The following EXOC4 variants were observed in gnomAD, a reference collection of about 807,000 sequenced individuals.
The protein encoded by EXOC4 is exocyst complex component 4, also known as SEC8-like 1.
In EXOC4, 71 loss-of-function variants were observed where a neutral mutation model predicts 107.2. The observed-to-expected ratio is 0.66, with a 90% CI of 0.55 to 0.81. EXOC4 has a LOEUF of 0.81. Among genes scored for constraint, EXOC4 ranks in the 30% least tolerant of loss-of-function variants. The probability of loss-of-function intolerance (pLI) is 0.00; values close to 1 mark genes in which losing one functional copy is unlikely to be tolerated. For missense variants in EXOC4, 1,108 were observed against 1,189.6 expected (o/e 0.93, Z 1.01); for synonymous variants, 456 against 441.2 (o/e 1.03, Z -0.42).
intron 7 of EXOC4, among the ~76,000 whole-genome samples, chr7:133,408,407 G>A (rs953868985): frequency 1.3e-5 from 2 of 151,570 alleles, no homozygotes; most frequent in Non-Finnish European, 1.5e-5. Context: ...AGTGATGATG[G>A]AGGTGGAGAG....
At chr7:133,493,997 G>A (rs898844300) in intron 9 of EXOC4, among the ~76,000 whole-genome samples, 1 of 152,190 alleles carries the variant, frequency 6.6e-6, no homozygotes, top group Non-Finnish European at 1.5e-5. Flanking sequence ...GAGGTTAAAA[G>A]GGAAAGGACA....
chr7:133,809,476 T>G (rs1218869680), intron 10 of EXOC4, among the ~76,000 whole-genome samples: 1 of 152,162 alleles, frequency 6.6e-6, no homozygotes, highest in Admixed American at 6.5e-5. Context: ...TTTTTAGTCT[T>G]TATTAATAGG....
At chr7:133,596,150 G>A (rs1801665456) in intron 9 of EXOC4, among the ~76,000 whole-genome samples, 1 of 152,152 alleles carries the variant, frequency 6.6e-6, no homozygotes, top group South Asian at 2.1e-4. Context: ...TTTCTTTGGT[G>A]TCTCAATCCT....
At chr7:134,073,204 T>G in the EXOC4 span, among the ~76,000 whole-genome samples, 1 of 3,596 alleles carries the variant, frequency 2.8e-4, no homozygotes, top group Non-Finnish European at 3.6e-4. Flanking sequence ...AGACTTCCTC[T>G]CAAAAAAAAA....
intron 6 of EXOC4, among the ~76,000 whole-genome samples, chr7:133,358,481 C>T (rs929793468): frequency 6.6e-6 from 1 of 152,148 alleles, no homozygotes; most frequent in South Asian, 2.1e-4. Context: ...GTTCTATGAT[C>T]ACTTACATCA....
At chr7:133,950,155 C>A (rs28529474) in intron 14 of EXOC4, among the ~76,000 whole-genome samples, 1 of 151,876 alleles carries the variant, frequency 6.6e-6, no homozygotes, top group African/African-American at 2.4e-5. Flanking sequence ...ATTATCAGAA[C>A]TATTATATTA....
chr7:133,858,866 T>C (rs1251076136), intron 11 of EXOC4, among the ~76,000 whole-genome samples: 2 of 152,172 alleles, frequency 1.3e-5, no homozygotes, highest in East Asian at 3.9e-4. Flanking sequence ...GAACAGCAAG[T>C]GGCATCTTGT....
chr7:133,857,869 G>A (rs73155122), intron 11 of EXOC4, among the ~76,000 whole-genome samples: 1 of 152,026 alleles, frequency 6.6e-6, no homozygotes, highest in South Asian at 2.1e-4. Context: ...CGGATCGGGC[G>A]TGGGGGGAGG....
intron 11 of EXOC4, among the ~76,000 whole-genome samples, chr7:133,826,825 A>G (rs2151232164): frequency 6.6e-6 from 1 of 152,316 alleles, no homozygotes; most frequent in Admixed American, 6.5e-5. Flanking sequence ...AAGATGTTTT[A>G]AATATACAAA....
intron 16 of EXOC4, among the ~76,000 whole-genome samples, chr7:134,006,396 G>A (rs1794644020): frequency 7.0e-6 from 1 of 142,944 alleles, no homozygotes; most frequent in African/African-American, 2.5e-5. Context: ...TAAATAAGTT[G>A]TCTAGTTTTA....
chr7:133,639,892 G>GA (rs369817573), intron 10 of EXOC4, among the ~76,000 whole-genome samples: 64 of 150,570 alleles, frequency 4.3e-4, no homozygotes, highest in African/African-American at 1.0e-3. Context: ...ATGTCAAGAA[G>GA]AAAAAAAAAC....
chr7:133,781,552 C>T (rs1171992768), intron 10 of EXOC4, among the ~76,000 whole-genome samples: 1 of 152,150 alleles, frequency 6.6e-6, no homozygotes, highest in African/African-American at 2.4e-5. Flanking sequence ...ATGCACAGAC[C>T]CTGTACAATC....
At chr7:133,365,696 C>T (rs565742736) in intron 6 of EXOC4, among the ~76,000 whole-genome samples, 1 of 152,226 alleles carries the variant, frequency 6.6e-6, no homozygotes, top group South Asian at 2.1e-4. Flanking sequence ...GTATTTCTAT[C>T]CCTTAGAAGT....
intron 15 of EXOC4, among the ~76,000 whole-genome samples, chr7:134,003,966 C>T (rs1411176543): frequency 2.0e-5 from 3 of 152,104 alleles, no homozygotes; most frequent in Non-Finnish European, 2.9e-5. Context: ...GAAATGCCCT[C>T]CTTCCTCAAG....
chr7:133,941,871 T>A (rs1215179181), intron 14 of EXOC4, among the ~76,000 whole-genome samples: 1 of 107,612 alleles, frequency 9.3e-6, no homozygotes, highest in East Asian at 2.2e-4. Context: ...TTTCTACATG[T>A]TTTCCTGCAT....
rs115313944 is a variant in EXOC4, at chr7:134,031,011, C to A, written c.2687+23176C>A. On this transcript the variant is annotated intron_variant, in intron 17 of 17. Coordinates refer to ENST00000253861, the MANE Select transcript of EXOC4 (RefSeq NM_021807.4). ...ATTGTGCTAAATGAGAGAAGCCAGTCAAAAGAAACCACACACTTTACAATT... is the reference window on the plus strand; with the variant it reads ...ATTGTGCTAAATGAGAGAAGCCAGTAAAAAGAAACCACACACTTTACAATT... Among the ~76,000 whole-genome samples the A allele has an allele frequency of 3.9e-5, 6 of 152,078 alleles. No individual in the cohort carries two copies. In the East Asian group the frequency reaches 1.2e-3, roughly 29 times the overall value.
In EXOC4 at chr7:133,422,647, CAT is replaced by C. The variant is rs1280322994; in HGVS notation, c.1182+47646_1182+47647del. On this transcript the variant is annotated intron_variant, in intron 7 of 17. Transcript: ENST00000253861. ...ATGTAGGTTACATGTTTTACTGGCT[CAT>C]GGAGCTCTTCAAAATGACCCAGTTC... is the stretch of plus-strand genomic sequence containing the variant. 5.7e-3 allele frequency among the ~76,000 whole-genome samples: 872 copies of C among 152,214 alleles called. 8 individuals are homozygous for C. The highest frequency in any genetic ancestry group is 0.02 in the African/African-American group (831 of 41,514).
chr7:133,581,530 G>A lies in EXOC4; in HGVS notation c.1418-48515G>A, dbSNP rs544696099. The stretch of plus-strand genomic sequence containing the variant: ...TCCCAGCACTTTGGGAGGCCGAGGC[G>A]GGCGGATCACGAGGTCAGGAGATCG... On this transcript the variant is annotated intron_variant, in intron 9 of 17. Coordinates refer to ENST00000253861, the MANE Select transcript of EXOC4 (RefSeq NM_021807.4). 1.4e-4 allele frequency among the ~76,000 whole-genome samples: 21 copies of A among 151,736 alleles called. No individual in the cohort carries two copies. In the East Asian group the frequency reaches 3.3e-3, roughly 24 times the overall value.
At chr7:133,394,440 G>A (rs938994044) in intron 7 of EXOC4, among the ~76,000 whole-genome samples, 1 of 152,074 alleles carries the variant, frequency 6.6e-6, no homozygotes, top group Non-Finnish European at 1.5e-5. Flanking sequence ...TCTGTCCTTA[G>A]AATCATCAGA....
Sources: allele counts gnomAD v4.1 joint callset (sites outside exome capture counted in the v4.1 genomes callset), GRCh38; gene constraint gnomAD v4.1.1; transcripts MANE v1.5; gene names NCBI Gene and HGNC (gene_info 2026-07-23, HGNC 2026-07-21).